Variants in ROBO2 observed in about 807,000 individuals in gnomAD.
ROBO2 encodes roundabout homolog 2.
In ROBO2, 53 loss-of-function variants were observed where a neutral mutation model predicts 160.8. That is an observed-to-expected ratio of 0.33 (90% confidence interval 0.26 to 0.41). ROBO2 has a LOEUF of 0.41. Among genes scored for constraint, ROBO2 ranks in the 10% least tolerant of loss-of-function variants. The pLI is 1.00. For missense variants in ROBO2, 1,577 were observed against 1,722.4 expected (o/e 0.92, Z 1.49); for synonymous variants, 664 against 611.7 (o/e 1.09, Z -1.26).
In ROBO2 at chr3:77,643,952, C is replaced by T. The variant is rs2095383454; in HGVS notation, c.3935-752C>T. Reference sequence around the variant, plus strand: ...GGGGAGAAATAGTAAATTCAGTGAGCATTAATCACAAAATAATAGCCCATA... The same window carrying T: ...GGGGAGAAATAGTAAATTCAGTGAGTATTAATCACAAAATAATAGCCCATA... On this transcript the variant is annotated intron_variant, in intron 24 of 25. Coordinates refer to ENST00000461745, the Ensembl canonical transcript of ROBO2. Among the ~76,000 whole-genome samples the T allele has an allele frequency of 1.3e-5, 2 of 151,858 alleles. 1 individual carries two copies. Among genetic ancestry groups the T allele is most frequent in the South Asian group, 4.2e-4 (2 of 4,808 alleles).
chr3:77,314,947 A>G (rs1398531498), intron 2 of ROBO2, among the ~76,000 whole-genome samples: 1 of 152,192 alleles, frequency 6.6e-6, no homozygotes, highest in African/African-American at 2.4e-5. Flanking sequence ...TTTCAAATGA[A>G]TCTACTTGGA....
chr3:77,205,374 C>T (rs1359176666), intron 2 of ROBO2, among the ~76,000 whole-genome samples: 1 of 151,996 alleles, frequency 6.6e-6, no homozygotes, highest in Non-Finnish European at 1.5e-5. Flanking sequence ...CAGCAGAACT[C>T]AGCTTTGTGT....
At chr3:76,276,348 T>A (rs934543122) in intron 2 of ROBO2, among the ~76,000 whole-genome samples, 5 of 152,048 alleles carry the variant, frequency 3.3e-5, no homozygotes. Context: ...TTTAAACTAA[T>A]GAAAATTGAG....
rs964611606 is a variant in ROBO2 at position 75,931,770 on chromosome 3, A to T, written c.-13-5711A>T. ...TGTTGTGTATTCAGTCCCCTGCTTG[A>T]CTTTGCATGTGAATACATTTTGTAA... On this transcript the variant is annotated intron_variant, in intron 1 of 26. Coordinates refer to the ROBO2 transcript ENST00000487694. 2.6e-5 allele frequency among the ~76,000 whole-genome samples: 4 copies of T among 151,834 alleles called. 1 individual carries two copies. The highest frequency in any genetic ancestry group is 9.7e-5 in the African/African-American group (4 of 41,328).
At chr3:76,252,903 G>T (rs1706125680) in intron 2 of ROBO2, among the ~76,000 whole-genome samples, 1 of 151,864 alleles carries the variant, frequency 6.6e-6, no homozygotes, top group Admixed American at 6.6e-5. Flanking sequence ...TCGGGCAGCA[G>T]TTAGTGCTGT....
intron 2 of ROBO2, among the ~76,000 whole-genome samples, chr3:76,390,964 G>T (rs2077121243): frequency 6.6e-6 from 1 of 152,048 alleles, no homozygotes; most frequent in Non-Finnish European, 1.5e-5. Flanking sequence ...TGTTATCTTG[G>T]TAATGTGGAC....
intron 2 of ROBO2, among the ~76,000 whole-genome samples, chr3:76,500,092 G>A (rs959100766): frequency 1.3e-5 from 2 of 151,966 alleles, no homozygotes; most frequent in Non-Finnish European, 2.9e-5. Context: ...TGGGGTGGTG[G>A]GGGGACAGTA....
chr3:77,351,717 T>A (rs2068358599), intron 2 of ROBO2, among the ~76,000 whole-genome samples: 1 of 152,116 alleles, frequency 6.6e-6, no homozygotes, highest in African/African-American at 2.4e-5. Flanking sequence ...GGTTCTCTAA[T>A]CAGCCTAAAG....
At chr3:77,180,977 T>C (rs947963353) in intron 2 of ROBO2, among the ~76,000 whole-genome samples, 2 of 152,084 alleles carry the variant, frequency 1.3e-5, no homozygotes, top group East Asian at 3.9e-4. Flanking sequence ...TGCATTTAAC[T>C]TGCTGCCAAA....
chr3:76,706,889 G>C lies in ROBO2; in HGVS notation c.110-391125G>C, dbSNP rs564843870. Among the ~76,000 whole-genome samples the C allele has an allele frequency of 3.9e-5, 6 of 152,004 alleles. No individual in the cohort carries two copies. In the South Asian group the frequency reaches 1.2e-3, roughly 32 times the overall value. On this transcript the variant is annotated intron_variant, in intron 2 of 26. Coordinates refer to the ROBO2 transcript ENST00000487694. ...GGGTGACAATTTTTTTCTAAAACAT[G>C]GTAAACCAATGTGATAAGTTAATTA...
intron 2 of ROBO2, among the ~76,000 whole-genome samples, chr3:76,761,034 C>T (rs201134065): frequency 3.3e-5 from 5 of 151,626 alleles, no homozygotes; most frequent in East Asian, 3.9e-4. Flanking sequence ...CCTGAATGAT[C>T]CCTGTATTTT....
chr3:75,975,362 G>T (rs1402145141), intron 2 of ROBO2, among the ~76,000 whole-genome samples: 1 of 151,278 alleles, frequency 6.6e-6, no homozygotes, highest in African/African-American at 2.4e-5. Flanking sequence ...AAATGACTAA[G>T]ATATTTGAAT....
At chr3:77,259,355 A>G (rs1441428166) in intron 2 of ROBO2, among the ~76,000 whole-genome samples, 2 of 152,214 alleles carry the variant, frequency 1.3e-5, no homozygotes, top group African/African-American at 4.8e-5. Context: ...GCGTGTCTCT[A>G]TATCTCTGGT....
At chr3:76,432,535 A>G (rs371259669) in intron 2 of ROBO2, among the ~76,000 whole-genome samples, 1 of 152,112 alleles carries the variant, frequency 6.6e-6, no homozygotes. Flanking sequence ...TAGCTTATTC[A>G]TATGGCTATG....
chr3:76,604,191 A>G (rs2087461798), intron 2 of ROBO2, among the ~76,000 whole-genome samples: 1 of 152,212 alleles, frequency 6.6e-6, no homozygotes, highest in Non-Finnish European at 1.5e-5. Context: ...AAGATAGGGC[A>G]GATAGAAATT....
intron 2 of ROBO2, among the ~76,000 whole-genome samples, chr3:76,028,736 C>G (rs1457406262): frequency 6.6e-6 from 1 of 152,060 alleles, no homozygotes; most frequent in African/African-American, 2.4e-5. Context: ...TACCAAAGAT[C>G]ATTACCTGTC....
intron 21 of ROBO2, among the ~76,000 whole-genome samples, chr3:77,611,153 C>G (rs1477370526): frequency 6.6e-6 from 1 of 151,980 alleles, no homozygotes; most frequent in Non-Finnish European, 1.5e-5. Flanking sequence ...AAAAAATTAG[C>G]TGGGCGAGGT....
At chr3:76,734,811 CTG>C (rs1020349615) in intron 2 of ROBO2, among the ~76,000 whole-genome samples, 9 of 152,198 alleles carry the variant, frequency 5.9e-5, no homozygotes, top group African/African-American at 1.9e-4. Context: ...ACCCCCAAAA[CTG>C]TGAAAGTGCT....
intron 2 of ROBO2, among the ~76,000 whole-genome samples, chr3:76,518,208 G>A (rs2107837686): frequency 6.6e-6 from 1 of 152,260 alleles, no homozygotes; most frequent in East Asian, 1.9e-4. Flanking sequence ...AGGCATGGAA[G>A]CGCACCAGTA....
Sources: allele counts gnomAD v4.1 joint callset (sites outside exome capture counted in the v4.1 genomes callset), GRCh38; gene constraint gnomAD v4.1.1; transcripts MANE v1.5; gene names NCBI Gene and HGNC (gene_info 2026-07-23, HGNC 2026-07-21).